The following ANKRD29 variants were observed in gnomAD, a reference collection of about 807,000 sequenced individuals.
The protein encoded by ANKRD29 is ankyrin repeat domain 29.
Under a neutral mutation model 38.0 loss-of-function variants are expected in ANKRD29, and 32 were observed. The observed-to-expected ratio is 0.84, with a 90% confidence interval of 0.64 to 1.13. The LOEUF (loss-of-function observed/expected upper bound fraction) is 1.13. Among genes scored for constraint, ANKRD29 ranks in the 50% most tolerant of loss-of-function variants. ANKRD29 has a pLI of 0.00. For synonymous variants in ANKRD29, 135 were observed against 152.4 expected, an observed-to-expected ratio of 0.89 and a Z score of 0.84; for missense variants, 357 against 377.9, an observed-to-expected ratio of 0.94 and a Z score of 0.46.
In ANKRD29 at chr18:23,662,781, T is replaced by G. The variant is rs1421638360; in HGVS notation, c.-51A>C. 7 of 1,428,594 alleles carry G rather than the reference T, an allele frequency of 4.9e-6. No homozygotes were observed. Among genetic ancestry groups the G allele is most frequent in the Non-Finnish European group, 6.4e-6 (7 of 1,091,700 alleles). 88.5% of individuals were successfully genotyped at this position (1,428,594 alleles called of 1,614,324 possible). ...GGCGCGCTTTGGGCCCGGGGCGCCT[T>G]GTCCTCCCCGGCCCTTCACTCTCCC... On this transcript the variant is annotated 5_prime_UTR_variant, in exon 1 of 10. Transcript: ENST00000592179.
At chr18:23,648,181 T>C (rs181372575) in intron 2 of ANKRD29, among the ~76,000 whole-genome samples, 1 of 152,192 alleles carries the variant, frequency 6.6e-6, no homozygotes, top group East Asian at 1.9e-4. Flanking sequence ...GGAAAGCGAG[T>C]CTGCTGGAGC....
intron 6 of ANKRD29, among the ~76,000 whole-genome samples, chr18:23,622,814 G>A (rs1191317766): frequency 2.6e-5 from 4 of 152,176 alleles, no homozygotes; most frequent in Non-Finnish European, 5.9e-5. Context: ...TGATCCACCC[G>A]CCTTGGTCTC....
chr18:23,657,517 AATCATAAGGTTGCACAACCATCACCACT>A, intron 1 of ANKRD29, among the ~76,000 whole-genome samples: 1 of 152,292 alleles, frequency 6.6e-6, no homozygotes, highest in African/African-American at 2.4e-5. Context: ...GTTTTGGTGC[AATCATAAGGTTGCACAACCATCACCACT>A]ATCTATTCCA....
At chr18:23,661,468 G>A (rs369546278) in intron 1 of ANKRD29, among the ~76,000 whole-genome samples, 1 of 152,250 alleles carries the variant, frequency 6.6e-6, no homozygotes, top group Non-Finnish European at 1.5e-5. Context: ...CACTTTGGGA[G>A]GCCAAGGAGG....
At position 23,632,535 on chromosome 18, in the gene ANKRD29, A is replaced by G. The variant is rs545202378; in HGVS notation, c.429+1516T>C. 1.5e-3 allele frequency among the ~76,000 whole-genome samples: 226 copies of G among 146,124 alleles called. 5 individuals carry two copies. Among genetic ancestry groups the G allele is most frequent in the African/African-American group, 4.5e-3 (176 of 38,832 alleles). On this transcript the variant is annotated intron_variant, in intron 5 of 9. Transcript: ENST00000592179. ...ATTCAGTGTGTGTGTGTGTGTGTGTATATATATATATATTACACACTCTCA... is the reference window on the plus strand; with the variant it reads ...ATTCAGTGTGTGTGTGTGTGTGTGTGTATATATATATATTACACACTCTCA...
chr18:23,656,568 G>T (rs2060287037), intron 1 of ANKRD29, among the ~76,000 whole-genome samples: 1 of 152,158 alleles, frequency 6.6e-6, no homozygotes, highest in Non-Finnish European at 1.5e-5. Context: ...ATAAAATACT[G>T]ATGCCACATG....
chr18:23,616,399 T>C (rs1204269090), intron 8 of ANKRD29, among the ~76,000 whole-genome samples: 1 of 149,810 alleles, frequency 6.7e-6, no homozygotes, highest in East Asian at 1.9e-4. Flanking sequence ...TGCAGTGGTG[T>C]GTGGCTGTAG....
chr18:23,617,224 CA>C (rs2059735425), intron 8 of ANKRD29, among the ~76,000 whole-genome samples: 1 of 152,070 alleles, frequency 6.6e-6, no homozygotes, highest in African/African-American at 2.4e-5. Context: ...CTCAAAAAAG[CA>C]AAACAAAACA....
chr18:23,650,916 G>A (rs1228621999), intron 1 of ANKRD29, among the ~76,000 whole-genome samples: 4 of 152,160 alleles, frequency 2.6e-5, no homozygotes, highest in Non-Finnish European at 5.9e-5. Context: ...TATTCACATT[G>A]TTTAATGAAA....
At chr18:23,634,240 A>T (rs1264970538) in intron 4 of ANKRD29, 91 bp from the exon 5 acceptor site, 8 of 842,648 alleles carry the variant, frequency 9.5e-6, no homozygotes, top group Non-Finnish European at 1.5e-5. Flanking sequence ...ATTTAGGAAG[A>T]GAGTTTTCCC....
intron 3 of ANKRD29, among the ~76,000 whole-genome samples, chr18:23,642,211 A>C (rs1315366130): frequency 6.6e-6 from 1 of 151,760 alleles, no homozygotes; most frequent in Non-Finnish European, 1.5e-5. Context: ...ACAGGGCTGA[A>C]ACACGCCTTC....
chr18:23,619,647 G>C lies in ANKRD29; in HGVS notation c.529-18C>G. ...GTCCCGTCCTGCGGGAAGAGGAGGCGGCGGCCGCCGTGACTGGGGCGCCCG... is the reference window on the plus strand; with the variant it reads ...GTCCCGTCCTGCGGGAAGAGGAGGCCGCGGCCGCCGTGACTGGGGCGCCCG... On this transcript the variant is annotated intron_variant, in intron 6 of 9. Transcript: ENST00000592179. 6.5e-7 allele frequency: 1 copy of C among 1,530,944 alleles called. No homozygotes were observed. Among genetic ancestry groups the C allele is most frequent in the Non-Finnish European group, 8.7e-7 (1 of 1,152,154 alleles). The allele number at this position is 1,530,944 out of a possible 1,614,324, so 94.8% of individuals were successfully genotyped here.
chr18:23,640,258 A>G (rs1424438385), intron 3 of ANKRD29, among the ~76,000 whole-genome samples: 1 of 152,182 alleles, frequency 6.6e-6, no homozygotes, highest in African/African-American at 2.4e-5. Flanking sequence ...AGGAGCCTCC[A>G]GTGGCAGTGC....
intron 3 of ANKRD29, among the ~76,000 whole-genome samples, chr18:23,645,639 C>A (rs2060129304): frequency 6.6e-6 from 1 of 152,188 alleles, no homozygotes; most frequent in African/African-American, 2.4e-5. Context: ...TCAAGCAAGA[C>A]CAAACTCCCA....
Position 23,662,748 on chromosome 18 carries a change from C to T in ANKRD29, c.-18G>A. ...CTGCACATGTCCGCGGCCGCCCGAG[C>T]GGGAGCCGGCGCGCTTTGGGCCCGG... On this transcript the variant is annotated 5_prime_UTR_variant, in exon 1 of 10. Transcript: ENST00000592179. The T allele has an allele frequency of 2.1e-6, 3 of 1,460,552 alleles. No homozygotes were observed. The highest frequency in any genetic ancestry group is 2.4e-5 in the Admixed American group (1 of 41,704). The allele number at this position is 1,460,552 out of a possible 1,614,324, so 90.5% of individuals were successfully genotyped here.
At chr18:23,618,680 C>T (rs1568015866) in intron 7 of ANKRD29, 6 of 152,068 alleles carry the variant, frequency 3.9e-5, no homozygotes, top group Admixed American at 2.6e-4. Flanking sequence ...AACACAGTTT[C>T]CAAATTCCTT....
At chr18:23,660,118 T>A (rs1412476236) in intron 1 of ANKRD29, among the ~76,000 whole-genome samples, 3 of 151,850 alleles carry the variant, frequency 2.0e-5, no homozygotes, top group African/African-American at 4.8e-5. Context: ...CTCAAAAAAA[T>A]AAATAAAATA....
intron 9 of ANKRD29, among the ~76,000 whole-genome samples, chr18:23,608,585 G>A (rs1026594337): frequency 6.6e-6 from 1 of 152,114 alleles, no homozygotes; most frequent in Non-Finnish European, 1.5e-5. Flanking sequence ...CTGTGAAACC[G>A]CCTTTGCAAA....
chr18:23,650,490 A>G (rs1385863734), intron 1 of ANKRD29, among the ~76,000 whole-genome samples: 8 of 152,188 alleles, frequency 5.3e-5, no homozygotes, highest in Non-Finnish European at 8.8e-5. Flanking sequence ...AGCCATACCT[A>G]TGGAAAGCAT....
Sources: gnomAD v4.1 joint callset for allele counts (sites outside exome capture counted in the v4.1 genomes callset) on GRCh38, gnomAD v4.1.1 for gene constraint, MANE v1.5 for transcripts, NCBI Gene and HGNC (gene_info 2026-07-23, HGNC 2026-07-21) for gene names.